The following SMOC1 variants were observed in gnomAD, a reference collection of about 807,000 sequenced individuals.
SMOC1 encodes SPARC-related modular calcium-binding protein 1.
A neutral mutation model predicts 56.3 loss-of-function variants in SMOC1; 22 were observed. The ratio of observed to expected loss-of-function variants is 0.39; its 90% CI spans 0.28 to 0.56. SMOC1 has a LOEUF of 0.56. Among genes scored for constraint, SMOC1 ranks in the 20% least tolerant of loss-of-function variants. The pLI, the probability that SMOC1 is intolerant of heterozygous loss-of-function variation, is 0.61. For synonymous variants in SMOC1, 193 were observed against 215.0 expected, an observed-to-expected ratio of 0.90 and a Z score of 0.89; for missense variants, 509 against 565.4, an observed-to-expected ratio of 0.90 and a Z score of 1.01.
intron 3 of SMOC1, among the ~76,000 whole-genome samples, chr14:69,964,488 C>T (rs1481899249): frequency 1.3e-5 from 2 of 151,892 alleles, no homozygotes; most frequent in Non-Finnish European, 1.5e-5. Context: ...CGCCATTCTC[C>T]TGCCTCAGCC....
chr14:69,904,691 G>A (rs906814343), intron 1 of SMOC1, among the ~76,000 whole-genome samples: 2 of 152,212 alleles, frequency 1.3e-5, no homozygotes, highest in Non-Finnish European at 2.9e-5. Flanking sequence ...TCAGACCTTC[G>A]TGGGCTCAAA....
intron 1 of SMOC1, among the ~76,000 whole-genome samples, chr14:69,880,977 C>G (rs1178718181): frequency 6.6e-6 from 1 of 152,216 alleles, no homozygotes; most frequent in Non-Finnish European, 1.5e-5. Context: ...CCAGGTATCA[C>G]TGTGAGATCA....
chr14:70,027,696 G>A (rs960598678), intron 11 of SMOC1, among the ~76,000 whole-genome samples: 4 of 152,196 alleles, frequency 2.6e-5, no homozygotes, highest in African/African-American at 9.7e-5. Context: ...AACTCTCTAA[G>A]CCTCCGTTTC....
rs1883584871 is a variant in SMOC1, at chr14:69,879,810, G to T, written c.99+33G>T. ...CGCCCCCAGCTTTGCGCCCACCTGC[G>T]GAGGGAGGGGAGGTTGCTTCCCCCC... On this transcript the variant is annotated intron_variant, in intron 1 of 11. Transcript: ENST00000361956. The T allele has an allele frequency of 2.6e-6, 4 of 1,534,910 alleles. No individual in the cohort carries two copies. The South Asian group carries it at 3.6e-5, about 14-fold the overall frequency.
At chr14:69,999,007 A>T (rs1000789038) in intron 7 of SMOC1, among the ~76,000 whole-genome samples, 2 of 152,174 alleles carry the variant, frequency 1.3e-5, no homozygotes, top group Non-Finnish European at 2.9e-5. Flanking sequence ...TGAATGGAGC[A>T]GCTCATGGTG....
chr14:69,953,681 C>G (rs1883087227), intron 3 of SMOC1, 149 bp downstream of exon 3: 5 of 727,876 alleles, frequency 6.9e-6, no homozygotes, highest in Non-Finnish European at 9.9e-6. Flanking sequence ...TGCCTTCCCC[C>G]TCTCTGGCCC....
intron 3 of SMOC1, among the ~76,000 whole-genome samples, chr14:69,962,254 C>G (rs923359048): frequency 6.6e-6 from 1 of 151,058 alleles, no homozygotes; most frequent in Non-Finnish European, 1.5e-5. Flanking sequence ...CCTCTGCCTC[C>G]TGCATTAAGG....
intron 1 of SMOC1, among the ~76,000 whole-genome samples, chr14:69,939,104 C>A (rs1187717556): frequency 6.6e-6 from 1 of 152,210 alleles, no homozygotes; most frequent in Non-Finnish European, 1.5e-5. Flanking sequence ...AGGTTAGCTT[C>A]ATTTCAGCCA....
chr14:69,994,315 T>A, intron 6 of SMOC1, 85 bp from the exon 7 acceptor site: 2 of 1,067,126 alleles, frequency 1.9e-6, no homozygotes, highest in Non-Finnish European at 2.9e-6. Flanking sequence ...CTTTGAAAAA[T>A]GACTATTAAG....
At chr14:69,933,005 A>G (rs549697572) in intron 1 of SMOC1, among the ~76,000 whole-genome samples, 184 of 152,234 alleles carry the variant, frequency 1.2e-3, no homozygotes, top group African/African-American at 4.3e-3. Context: ...CAGAGGCCAG[A>G]CCACTGAGAG....
chr14:70,017,636 A>G (rs1885565584), intron 10 of SMOC1, among the ~76,000 whole-genome samples: 1 of 152,190 alleles, frequency 6.6e-6, no homozygotes. Flanking sequence ...CCTTCCTCCC[A>G]GTCTACTTCC....
At chr14:69,945,824 T>G (rs1882759028) in intron 1 of SMOC1, among the ~76,000 whole-genome samples, 1 of 152,194 alleles carries the variant, frequency 6.6e-6, no homozygotes, top group Non-Finnish European at 1.5e-5. Flanking sequence ...TGGACTTCAC[T>G]CTCCCAAATC....
intron 1 of SMOC1, among the ~76,000 whole-genome samples, chr14:69,895,090 G>A (rs922223133): frequency 6.6e-6 from 1 of 152,214 alleles, no homozygotes; most frequent in African/African-American, 2.4e-5. Context: ...CCAGCTATGG[G>A]GAGGAAATAG....
Position 69,953,472 on chromosome 14 carries a change from C to A in SMOC1, c.318C>A (p.Ala106=). Residue 106 remains alanine, a synonymous_variant, in exon 3 of 12, where the codon GCC becomes GCA. Coordinates refer to ENST00000361956, the MANE Select transcript of SMOC1 (RefSeq NM_001034852.3). ...AGCGGGCTCAAGCCCTGGAGCAAGC[C>A]AAGAAGCCTCAGGAAGCTGTGTTTG... ...RLERAQALEQ[A]KKPQEAVFVP... 1 of 1,614,230 alleles carries A rather than the reference C, an allele frequency of 6.2e-7. No homozygotes were observed. Among genetic ancestry groups the A allele is most frequent in the South Asian group, 1.1e-5 (1 of 91,086 alleles).
intron 1 of SMOC1, chr14:69,885,637 G>C: frequency 1.1e-5 from 16 of 1,461,682 alleles, no homozygotes; most frequent in African/African-American, 7.0e-5. Context: ...CAGGCAAGAA[G>C]ACAACCAGCT....
intron 1 of SMOC1, among the ~76,000 whole-genome samples, chr14:69,924,487 G>C (rs758166819): frequency 2.6e-5 from 4 of 152,046 alleles, no homozygotes; most frequent in African/African-American, 9.6e-5. Context: ...CCCACATTCC[G>C]TAATGGGAAA....
intron 3 of SMOC1, among the ~76,000 whole-genome samples, chr14:69,972,857 C>A (rs185841700): frequency 5.3e-5 from 8 of 152,218 alleles, no homozygotes; most frequent in African/African-American, 1.9e-4. Context: ...TGAACCAGCC[C>A]GTTCTCTGCA....
chr14:70,025,482 G>A (rs1348937507), intron 11 of SMOC1, among the ~76,000 whole-genome samples: 1 of 152,154 alleles, frequency 6.6e-6, no homozygotes, highest in African/African-American at 2.4e-5. Context: ...GTCTGACGCG[G>A]ATGCTTCTCT....
chr14:69,947,256 C>T (rs1467705638), intron 1 of SMOC1, among the ~76,000 whole-genome samples: 3 of 152,012 alleles, frequency 2.0e-5, no homozygotes, highest in Admixed American at 2.0e-4. Flanking sequence ...CTGCAGCCTT[C>T]ACCTCTTAGC....
Sources: gnomAD v4.1 joint callset for allele counts (sites outside exome capture counted in the v4.1 genomes callset) on GRCh38, gnomAD v4.1.1 for gene constraint, MANE v1.5 for transcripts, NCBI Gene and HGNC (gene_info 2026-07-23, HGNC 2026-07-21) for gene names.